The following FLVCR2 variants were observed in gnomAD, a reference collection of about 807,000 sequenced individuals.
FLVCR2 encodes the protein FLVCR choline and putative heme transporter 2, also known as choline/ethanolamine transporter FLVCR2.
A neutral mutation model predicts 48.9 loss-of-function variants in FLVCR2; 38 were observed. The observed-to-expected ratio is 0.78, with a 90% CI of 0.60 to 1.02. FLVCR2 has a LOEUF of 1.02. FLVCR2 is among the 50% of genes least tolerant of loss of function. The pLI is 0.00. For missense variants in FLVCR2, 664 were observed against 663.3 expected, an observed-to-expected ratio of 1.00 and a Z score of -0.01; for synonymous variants, 255 against 257.0, an observed-to-expected ratio of 0.99 and a Z score of 0.07.
At chr14:75,605,468 G>T in intron 1 of FLVCR2, 1 of 1,510,412 alleles carries the variant, frequency 6.6e-7, no homozygotes, top group South Asian at 1.2e-5. Flanking sequence ...AGACACTTCT[G>T]CTTTCTGACT....
Position 75,646,444 on chromosome 14 carries a change from C to A in FLVCR2, c.1553C>A (p.Pro518His), listed in dbSNP as rs1244957459. 6.2e-7 allele frequency: 1 copy of A among 1,613,810 alleles called. No homozygotes were observed. Among genetic ancestry groups the A allele is most frequent in the Admixed American group, 1.7e-5 (1 of 60,014 alleles). Reference sequence around the variant, plus strand: ...GAGGAGAGCAACACCAGCAAAGTGCCCACTGCTGTGTCAGAGGATCATCTC... The same window carrying A: ...GAGGAGAGCAACACCAGCAAAGTGCACACTGCTGTGTCAGAGGATCATCTC... The part of the protein sequence containing the change: ...EEEESNTSKV[P>H]TAVSEDHL Residue 518 changes from proline (P) to histidine (H), a missense_variant, in exon 10 of 10, where the codon CCC becomes CAC. By Grantham distance (77) the Pro-to-His change is moderately conservative. Transcript: ENST00000238667.
intron 1 of FLVCR2, among the ~76,000 whole-genome samples, chr14:75,587,617 A>G (rs150049151): frequency 9.3e-4 from 141 of 152,328 alleles, no homozygotes; most frequent in African/African-American, 3.1e-3. Flanking sequence ...TTTTCTTGGT[A>G]TGCTCTGACC....
intron 1 of FLVCR2, among the ~76,000 whole-genome samples, chr14:75,588,531 G>A (rs1888804655): frequency 6.6e-6 from 1 of 152,190 alleles, no homozygotes; most frequent in Non-Finnish European, 1.5e-5. Flanking sequence ...CACCCAGGCT[G>A]GAGTTCACAG....
intron 1 of FLVCR2, among the ~76,000 whole-genome samples, chr14:75,602,053 A>G (rs574062650): frequency 5.8e-4 from 88 of 152,276 alleles, no homozygotes; most frequent in African/African-American, 2.1e-3. Flanking sequence ...AAAGGATACA[A>G]CTCAGGAACA....
At chr14:75,641,640 A>C (rs931020563) in intron 8 of FLVCR2, among the ~76,000 whole-genome samples, 10 of 152,282 alleles carry the variant, frequency 6.6e-5, no homozygotes, top group African/African-American at 2.4e-4. Flanking sequence ...GGCCACTGTC[A>C]TTGTTGGCTT....
intron 1 of FLVCR2, among the ~76,000 whole-genome samples, chr14:75,618,160 A>G (rs1051029027): frequency 1.3e-5 from 2 of 152,144 alleles, no homozygotes; most frequent in Non-Finnish European, 2.9e-5. Context: ...TTTTCCAAAG[A>G]TGGCTGGCTA....
At chr14:75,591,628 G>A (rs1888880292) in intron 1 of FLVCR2, among the ~76,000 whole-genome samples, 1 of 152,110 alleles carries the variant, frequency 6.6e-6, no homozygotes, top group African/African-American at 2.4e-5. Flanking sequence ...GGTCCTTGCG[G>A]TGGCCCTACT....
intron 3 of FLVCR2, chr14:75,631,574 C>T: frequency 5.8e-6 from 2 of 342,254 alleles, no homozygotes; most frequent in South Asian, 2.2e-5. Flanking sequence ...GTGGATTCTG[C>T]CATCCTTGGC....
intron 3 of FLVCR2, among the ~76,000 whole-genome samples, chr14:75,627,116 G>C (rs766251514): frequency 1.4e-4 from 22 of 151,960 alleles, no homozygotes; most frequent in Middle Eastern, 3.4e-3. Context: ...CATGCTGTGG[G>C]GAGCAAAGCT....
intron 3 of FLVCR2, chr14:75,631,794 T>C (rs747339619): frequency 2.2e-5 from 10 of 455,994 alleles, no homozygotes; most frequent in Non-Finnish European, 4.4e-5. Context: ...ACGGGATCTC[T>C]TCACTCGGAA....
At position 75,641,844 on chromosome 14, in the gene FLVCR2, A is replaced by C. The variant is rs778218648; in HGVS notation, c.1455A>C (p.Ala485=). The C allele has an allele frequency of 6.2e-7, 1 of 1,613,546 alleles. No homozygotes were observed. The highest frequency in any genetic ancestry group is 8.5e-7 in the Non-Finnish European group (1 of 1,179,438). The part of the protein sequence containing the change: ...VFLTLGAALT[A]FIKADLRRQK... The stretch of plus-strand genomic sequence containing the variant: ...TCCTTCTCAATCTATCAACCTTAGC[A>C]TTCATTAAGGCAGATCTCCGGAGAC... The change falls in exon 9 of 10, where the codon GCA becomes GCC. Residue 485 remains alanine (A), a splice_region_variant and synonymous_variant. Transcript: ENST00000238667.
chr14:75,628,255 C>T (rs1221763652), intron 3 of FLVCR2, among the ~76,000 whole-genome samples: 1 of 152,134 alleles, frequency 6.6e-6, no homozygotes, highest in Non-Finnish European at 1.5e-5. Flanking sequence ...GCTGGGATTA[C>T]AGGTACCCGC....
chr14:75,602,681 A>G (rs1889193695), intron 1 of FLVCR2, among the ~76,000 whole-genome samples: 1 of 152,184 alleles, frequency 6.6e-6, no homozygotes, highest in Non-Finnish European at 1.5e-5. Context: ...GAAGGAGAGA[A>G]TGGGGAGTTA....
intron 1 of FLVCR2, among the ~76,000 whole-genome samples, chr14:75,585,774 G>A (rs546111352): frequency 6.6e-6 from 1 of 152,334 alleles, no homozygotes; most frequent in African/African-American, 2.4e-5. Context: ...ACCGGTGCCG[G>A]AGTTTTGGGT....
At chr14:75,641,936 T>C (rs991745554) in intron 9 of FLVCR2, 38 bp downstream of exon 9, 1 of 1,588,948 alleles carries the variant, frequency 6.3e-7, no homozygotes, top group Non-Finnish European at 8.6e-7. Flanking sequence ...GAGATCGGGG[T>C]CCAAGGCTTT....
chr14:75,579,091 C>G lies in FLVCR2; in HGVS notation c.119C>G (p.Ser40Cys), dbSNP rs1888527374. ...AGCGTCTCGGTCCATCCCAGCGTCT[C>G]CATCAACCCCAGCGTCTCTGTCCAC... ...HPSVSVHPSV[S>C]INPSVSVHPS... The change falls in exon 1 of 10, where the codon TCC becomes TGC. Residue 40 changes from serine to cysteine, a missense_variant. Ser to Cys is a moderately radical substitution (Grantham distance 112). Transcript: ENST00000238667. The G allele has an allele frequency of 4.3e-6, 7 of 1,613,898 alleles. No homozygotes were observed. The highest frequency in any genetic ancestry group is 5.9e-6 in the Non-Finnish European group (7 of 1,179,958).
chr14:75,596,780 GCCCC>G (rs35205012), intron 1 of FLVCR2, among the ~76,000 whole-genome samples: 1 of 78,086 alleles, frequency 1.3e-5, no homozygotes, highest in African/African-American at 5.0e-5. Context: ...CTCCTCTTTT[GCCCC>G]CCCCCCCCGC....
chr14:75,581,747 A>T (rs932664373), intron 1 of FLVCR2, among the ~76,000 whole-genome samples: 12 of 152,242 alleles, frequency 7.9e-5, no homozygotes, highest in Admixed American at 5.9e-4. Flanking sequence ...GCGGGGGCAA[A>T]TCCCCAAGCT....
chr14:75,646,739 G>C lies in FLVCR2; in HGVS notation c.*267G>C, dbSNP rs938031700. 1 of 479,064 alleles carries C rather than the reference G, an allele frequency of 2.1e-6. No homozygotes were observed. The highest frequency in any genetic ancestry group is 2.0e-5 in the African/African-American group (1 of 50,996). The allele number at this position is 479,064 out of a possible 1,614,324, so 29.7% of individuals were successfully genotyped here. On this transcript the variant is annotated 3_prime_UTR_variant, in exon 10 of 10. Transcript: ENST00000238667. ...TGGGAGTTGGTGTTGGGACAGGGTG[G>C]CAGAGAATATTGGAGTCAATCCTAG...
Sources: gnomAD v4.1 joint callset for allele counts (sites outside exome capture counted in the v4.1 genomes callset) on GRCh38, gnomAD v4.1.1 for gene constraint, MANE v1.5 for transcripts, NCBI Gene and HGNC (gene_info 2026-07-23, HGNC 2026-07-21) for gene names.